Variants in PCLO observed in about 807,000 individuals in gnomAD.
The protein encoded by PCLO is piccolo presynaptic cytomatrix protein, also known as protein piccolo.
Under a neutral mutation model 427.5 loss-of-function variants are expected in PCLO, and 82 were observed. The observed-to-expected ratio is 0.19, with a 90% CI of 0.16 to 0.23. PCLO has a LOEUF of 0.23. Ranked by LOEUF, PCLO falls within the 10% of genes least tolerant of loss-of-function variation. The pLI, the probability that PCLO is intolerant of heterozygous loss-of-function variation, is 1.00. For synonymous variants in PCLO, 2,357 were observed against 2,155.4 expected (o/e 1.09, Z -2.59); for missense variants, 6,239 against 6,115.9 (o/e 1.02, Z -0.67).
chr7:82,969,405 G>A (rs1795852856), intron 3 of PCLO, among the ~76,000 whole-genome samples: 1 of 151,982 alleles, frequency 6.6e-6, no homozygotes, highest in Non-Finnish European at 1.5e-5. Context: ...GAGCCTCATT[G>A]GCTATTTCAA....
At chr7:83,103,687 A>G (rs750861630) in intron 3 of PCLO, among the ~76,000 whole-genome samples, 2 of 152,034 alleles carry the variant, frequency 1.3e-5, no homozygotes, top group Admixed American at 6.6e-5. Flanking sequence ...GAAAAACAAG[A>G]TGATCACTAA....
At chr7:83,011,982 T>G (rs1788089667) in intron 3 of PCLO, among the ~76,000 whole-genome samples, 1 of 152,102 alleles carries the variant, frequency 6.6e-6, no homozygotes. Context: ...ATGTTTTTAT[T>G]TTTATTACTT....
At chr7:82,908,379 A>T (rs1794241996) in intron 8 of PCLO, among the ~76,000 whole-genome samples, 1 of 152,098 alleles carries the variant, frequency 6.6e-6, no homozygotes, top group African/African-American at 2.4e-5. Context: ...AAAATTCAAA[A>T]ATACATAACA....
At chr7:82,976,564 A>G (rs1345639234) in intron 3 of PCLO, among the ~76,000 whole-genome samples, 1 of 152,178 alleles carries the variant, frequency 6.6e-6, no homozygotes, top group African/African-American at 2.4e-5. Flanking sequence ...TTTATCCATG[A>G]TTGTTGGTGT....
intron 6 of PCLO, among the ~76,000 whole-genome samples, chr7:82,925,607 T>C (rs1386215657): frequency 6.6e-6 from 1 of 151,846 alleles, no homozygotes; most frequent in Non-Finnish European, 1.5e-5. Context: ...GTTGCCAAAA[T>C]AGACCCATTA....
intron 10 of PCLO, among the ~76,000 whole-genome samples, chr7:82,854,720 T>C (rs983219705): frequency 1.3e-5 from 2 of 152,118 alleles, no homozygotes; most frequent in Admixed American, 1.3e-4. Flanking sequence ...TTATACAGCA[T>C]GGATATCTTT....
intron 10 of PCLO, among the ~76,000 whole-genome samples, chr7:82,878,758 A>G (rs1431150375): frequency 6.6e-6 from 1 of 152,208 alleles, no homozygotes; most frequent in Non-Finnish European, 1.5e-5. Context: ...TGTTTTCTGT[A>G]AAGGGCCAGG....
chr7:82,902,517 G>A lies in PCLO; in HGVS notation c.13528+134C>T, dbSNP rs544915262. 200 of 573,438 alleles carry A rather than the reference G, an allele frequency of 3.5e-4. 3 individuals carry two copies. Among genetic ancestry groups the A allele is most frequent in the South Asian group, 3.1e-3 (158 of 51,020 alleles). 35.5% of individuals were successfully genotyped at this position (573,438 alleles called of 1,614,324 possible). Reference sequence around the variant, plus strand: ...GGTGCAGCACACCAGCATGGCACATGTATACATATGTAACTAACATGCACA... The same window carrying A: ...GGTGCAGCACACCAGCATGGCACATATATACATATGTAACTAACATGCACA... On this transcript the variant is annotated intron_variant, in intron 9 of 24. Transcript: ENST00000333891.
intron 20 of PCLO, among the ~76,000 whole-genome samples, chr7:82,806,687 G>A (rs573822372): frequency 1.3e-5 from 2 of 152,164 alleles, no homozygotes; most frequent in South Asian, 2.1e-4. Context: ...TGAACTTTTC[G>A]GTCACACCGA....
intron 16 of PCLO, among the ~76,000 whole-genome samples, chr7:82,832,320 C>T (rs1043704385): frequency 2.0e-5 from 3 of 151,932 alleles, no homozygotes; most frequent in Non-Finnish European, 4.4e-5. Context: ...AGTGCAATCT[C>T]GGCTCACTAC....
chr7:82,979,170 C>A (rs577939236), intron 3 of PCLO, among the ~76,000 whole-genome samples: 1 of 152,098 alleles, frequency 6.6e-6, no homozygotes, highest in African/African-American at 2.4e-5. Flanking sequence ...ACTTCAGAAT[C>A]CTAAGTCTCA....
At chr7:82,902,153 A>T (rs1047833514) in intron 9 of PCLO, among the ~76,000 whole-genome samples, 1 of 151,994 alleles carries the variant, frequency 6.6e-6, no homozygotes, top group Non-Finnish European at 1.5e-5. Context: ...ACTATTCACA[A>T]TAGCAAAGAC....
chr7:82,903,081 G>A (rs1794097388), intron 8 of PCLO, among the ~76,000 whole-genome samples: 1 of 151,926 alleles, frequency 6.6e-6, no homozygotes, highest in South Asian at 2.1e-4. Flanking sequence ...AATGTATTTG[G>A]AAAATTGCCA....
At chr7:83,033,693 CTTCCT>C (rs1302442595) in intron 3 of PCLO, among the ~76,000 whole-genome samples, 1 of 152,060 alleles carries the variant, frequency 6.6e-6, no homozygotes, top group Non-Finnish European at 1.5e-5. Flanking sequence ...TGCAATCTTT[CTTCCT>C]TTCATCACAC....
chr7:82,871,710 T>C (rs1793242281), intron 10 of PCLO, among the ~76,000 whole-genome samples: 1 of 151,950 alleles, frequency 6.6e-6, no homozygotes, highest in Admixed American at 6.6e-5. Context: ...ATATCACATG[T>C]ACTCTATAAA....
chr7:82,915,888 G>T lies in PCLO; in HGVS notation c.12098C>A (p.Ser4033Tyr), dbSNP rs1165214046. 1 of 1,613,456 alleles carries T rather than the reference G, an allele frequency of 6.2e-7. No homozygotes were observed. The highest frequency in any genetic ancestry group is 1.1e-5 in the South Asian group (1 of 91,082). The stretch of plus-strand genomic sequence containing the variant: ...ATGGTGATCAATATCTGCATAGAAA[G>T]AATCTGCAGATATGCTTGATATTGG... ...SSPISSISAD[S>Y]FYADIDHHTP... The change falls in exon 7 of 25, where the codon TCT (serine) becomes TAT (tyrosine). Residue 4033 changes from serine (S) to tyrosine (Y), a missense_variant. Ser to Tyr is a moderately radical substitution (Grantham distance 144). This residue lies in a region of PCLO where 680 missense variants were observed against 677.3 expected (regional missense o/e 1.00). Transcript: ENST00000333891.
chr7:82,913,806 GTATT>G (rs1794380452), intron 7 of PCLO, among the ~76,000 whole-genome samples: 1 of 151,660 alleles, frequency 6.6e-6, no homozygotes, highest in Non-Finnish European at 1.5e-5. Flanking sequence ...TTTTAGTTAA[GTATT>G]TACTTGTTCA....
intron 4 of PCLO, among the ~76,000 whole-genome samples, chr7:82,962,187 A>C (rs967577158): frequency 2.0e-5 from 3 of 152,174 alleles, no homozygotes; most frequent in Non-Finnish European, 4.4e-5. Context: ...AGCCAGTGGT[A>C]TTATGACACT....
chr7:82,909,053 G>A (rs948349390), intron 7 of PCLO, 40 bp from the exon 8 acceptor site: 1 of 1,604,348 alleles, frequency 6.2e-7, no homozygotes, highest in African/African-American at 1.3e-5. Context: ...GCAACGGCAA[G>A]TAATACAGAT....
Sources: allele counts gnomAD v4.1 joint callset (sites outside exome capture counted in the v4.1 genomes callset), GRCh38; gene constraint gnomAD v4.1.1; regional missense constraint gnomAD v4.1.1; transcripts MANE v1.5; gene names NCBI Gene and HGNC (gene_info 2026-07-23, HGNC 2026-07-21).